Variants in AGPS observed in about 807,000 individuals in gnomAD.
AGPS encodes alkylglycerone phosphate synthase.
AGPS carries 26 observed loss-of-function variants against 90.7 expected under a neutral mutation model. The ratio of observed to expected loss-of-function variants is 0.29; its 90% CI spans 0.21 to 0.40. AGPS has a LOEUF of 0.40. AGPS is among the 10% of genes least tolerant of loss of function. The pLI, the probability that AGPS is intolerant of heterozygous loss-of-function variation, is 1.00. For synonymous variants in AGPS, 294 were observed against 285.3 expected (o/e 1.03, Z -0.31); for missense variants, 540 against 816.1 (o/e 0.66, Z 4.12).
chr2:177,535,167 C>T (rs2079172606), intron 19 of AGPS, among the ~76,000 whole-genome samples: 1 of 151,998 alleles, frequency 6.6e-6, no homozygotes, highest in Non-Finnish European at 1.5e-5. Context: ...TGATTCAGGT[C>T]TAAAAAAGAA....
At chr2:177,499,954 T>C (rs927005993) in intron 14 of AGPS, among the ~76,000 whole-genome samples, 3 of 151,880 alleles carry the variant, frequency 2.0e-5, no homozygotes, top group African/African-American at 7.2e-5. Flanking sequence ...TAGATTGATA[T>C]GTTGCTCTTG....
chr2:177,528,197 A>G (rs564961642), intron 19 of AGPS, among the ~76,000 whole-genome samples: 53 of 152,256 alleles, frequency 3.5e-4, no homozygotes, highest in African/African-American at 1.2e-3. Context: ...ACACCTCTAT[A>G]CCACTACCCT....
chr2:177,442,436 T>G lies in AGPS; in HGVS notation c.739T>G (p.Cys247Gly). The change falls in exon 7 of 20, where the codon TGT becomes GGT. Residue 247 changes from cysteine to glycine, a missense_variant. Cys to Gly is a radical substitution (Grantham distance 159). This residue lies in a region of AGPS where 405 missense variants were observed against 692.1 expected (regional missense o/e 0.59). Coordinates refer to ENST00000264167, the MANE Select transcript of AGPS (RefSeq NM_003659.4). ...GGTSVSYGLM[C>G]PADETRTIIS... is the part of the protein sequence containing the mutation. ...AACAAGTGTTTCATATGGCCTGATG[T>G]GTCCTGCAGATGAGACAAGAACAAT... 1 of 1,613,932 alleles carries G rather than the reference T, an allele frequency of 6.2e-7. No individual in the cohort carries two copies. Among genetic ancestry groups the G allele is most frequent in the Non-Finnish European group, 8.5e-7 (1 of 1,179,792 alleles).
At chr2:177,440,889 G>C in intron 5 of AGPS, 76 bp from the exon 6 acceptor site, 1 of 1,239,188 alleles carries the variant, frequency 8.1e-7, no homozygotes, top group South Asian at 1.2e-5. Context: ...AAAGAATTTC[G>C]TAGGTTCTTA....
intron 10 of AGPS, among the ~76,000 whole-genome samples, chr2:177,475,633 C>T (rs146415269): frequency 1.4e-4 from 21 of 152,226 alleles, no homozygotes; most frequent in African/African-American, 5.1e-4. Flanking sequence ...GTATCAGTAC[C>T]TCATTCCTTT....
chr2:177,402,199 T>C (rs940007206), intron 1 of AGPS, among the ~76,000 whole-genome samples: 1 of 152,146 alleles, frequency 6.6e-6, no homozygotes, highest in Non-Finnish European at 1.5e-5. Flanking sequence ...AATGAAAACA[T>C]GACATTTGAG....
intron 15 of AGPS, among the ~76,000 whole-genome samples, chr2:177,506,350 T>G (rs1014884117): frequency 4.6e-5 from 7 of 151,762 alleles, no homozygotes; most frequent in Admixed American, 3.3e-4. Context: ...TTATAAAAAT[T>G]TTTGGAAATT....
At chr2:177,458,412 A>T (rs916698931) in intron 8 of AGPS, among the ~76,000 whole-genome samples, 1 of 152,242 alleles carries the variant, frequency 6.6e-6, no homozygotes, top group African/African-American at 2.4e-5. Flanking sequence ...CTCTGTTTGC[A>T]GATGACATGA....
intron 1 of AGPS, among the ~76,000 whole-genome samples, chr2:177,406,076 C>G (rs1685459433): frequency 1.3e-5 from 2 of 152,138 alleles, no homozygotes; most frequent in African/African-American, 4.8e-5. Flanking sequence ...TCCCCCATCC[C>G]TTATTTGGTT....
chr2:177,407,741 T>C (rs1264731928), intron 1 of AGPS, among the ~76,000 whole-genome samples: 2 of 151,418 alleles, frequency 1.3e-5, no homozygotes, highest in African/African-American at 4.9e-5. Flanking sequence ...CAGCAAGAAG[T>C]AGGAGGTACT....
chr2:177,394,227 TTAG>T (rs746969895), intron 1 of AGPS, among the ~76,000 whole-genome samples: 12 of 152,192 alleles, frequency 7.9e-5, no homozygotes, highest in Non-Finnish European at 1.8e-4. Context: ...AAGGAATAGC[TTAG>T]TAGGTAAAAT....
At chr2:177,493,276 T>A in intron 12 of AGPS, 77 bp downstream of exon 12, 1 of 1,282,266 alleles carries the variant, frequency 7.8e-7, no homozygotes. Context: ...GAGTACGGAG[T>A]GCAGAGGTAG....
chr2:177,452,229 T>C (rs965007879), intron 8 of AGPS, among the ~76,000 whole-genome samples: 1 of 152,230 alleles, frequency 6.6e-6, no homozygotes, highest in African/African-American at 2.4e-5. Flanking sequence ...AGGTCTCTTA[T>C]ATTTTTTATT....
intron 8 of AGPS, among the ~76,000 whole-genome samples, chr2:177,447,809 A>G (rs921535310): frequency 1.3e-5 from 2 of 152,120 alleles, no homozygotes; most frequent in African/African-American, 4.8e-5. Context: ...CTTCCTCATT[A>G]AACTTTTGTG....
intron 9 of AGPS, among the ~76,000 whole-genome samples, chr2:177,467,048 C>T (rs1393658711): frequency 6.6e-6 from 1 of 151,790 alleles, no homozygotes; most frequent in Non-Finnish European, 1.5e-5. Context: ...CCCGTTGGCT[C>T]CATGCAGTGC....
At chr2:177,482,835 T>A (rs1295872650) in intron 11 of AGPS, among the ~76,000 whole-genome samples, 1 of 152,126 alleles carries the variant, frequency 6.6e-6, no homozygotes, top group Non-Finnish European at 1.5e-5. Flanking sequence ...TATTTATGTA[T>A]TTAGTTCTGT....
At chr2:177,443,085 T>G (rs1265135222) in intron 7 of AGPS, among the ~76,000 whole-genome samples, 2 of 152,136 alleles carry the variant, frequency 1.3e-5, no homozygotes, top group African/African-American at 4.8e-5. Flanking sequence ...TTTCTAGTAG[T>G]TTTAGAGCAA....
Position 177,523,757 on chromosome 2 carries a change from A to G in AGPS, c.1807A>G (p.Arg603Gly), listed in dbSNP as rs1343662374. ...TTGTTTCCAAATACAGGCAGCTGCT[A>G]GAGAAGAAATCCTTGCTAATGGAGG... ...TVFEQTEAAA[R>G]EEILANGGSL... The change falls in exon 19 of 20, where the codon AGA (arginine) becomes GGA (glycine). Residue 603 changes from arginine to glycine, a missense_variant. Arg to Gly is a moderately radical substitution (Grantham distance 125). Around this residue, in one of 2 missense-constraint regions of AGPS, gnomAD observed 405 missense variants for 692.1 expected, o/e 0.59. Coordinates refer to ENST00000264167, the MANE Select transcript of AGPS (RefSeq NM_003659.4). The G allele has an allele frequency of 6.2e-7, 1 of 1,613,950 alleles. No individual in the cohort carries two copies. The highest frequency in any genetic ancestry group is 1.1e-5 in the South Asian group (1 of 91,074).
chr2:177,526,473 G>A lies in AGPS; in HGVS notation c.1855+2668G>A, dbSNP rs142072628. Among the ~76,000 whole-genome samples the A allele has an allele frequency of 3.0e-3, 459 of 152,036 alleles. 1 individual carries two copies. Among genetic ancestry groups the A allele is most frequent in the African/African-American group, 0.01 (430 of 41,478 alleles). On this transcript the variant is annotated intron_variant, in intron 19 of 19. Transcript: ENST00000264167. ...TCGAACTCCTGATCTCAGATGATCCGCCCACCTCAGCCTCCCAAAGTGCTT... is the reference window on the plus strand; with the variant it reads ...TCGAACTCCTGATCTCAGATGATCCACCCACCTCAGCCTCCCAAAGTGCTT...
Sources: gnomAD v4.1 joint callset for allele counts (sites outside exome capture counted in the v4.1 genomes callset) on GRCh38, gnomAD v4.1.1 for gene constraint, gnomAD v4.1.1 regional missense constraint, MANE v1.5 for transcripts, NCBI Gene and HGNC (gene_info 2026-07-23, HGNC 2026-07-21) for gene names.